PCMT1: variants seen among roughly 807,000 people sequenced by gnomAD.
The protein encoded by PCMT1 is protein-L-isoaspartate (D-aspartate) O-methyltransferase, also known as protein-L-isoaspartate(D-aspartate) O-methyltransferase.
Under a neutral mutation model 29.2 loss-of-function variants are expected in PCMT1, and 9 were observed. The ratio of observed to expected loss-of-function variants is 0.31; its 90% CI spans 0.19 to 0.54. The LOEUF (loss-of-function observed/expected upper bound fraction) is 0.54. Among genes scored for constraint, PCMT1 ranks in the 20% least tolerant of loss-of-function variants. PCMT1 has a pLI of 0.95. For synonymous variants in PCMT1, 98 were observed against 97.5 expected (o/e 1.00, Z -0.03); for missense variants, 184 against 282.2 (o/e 0.65, Z 2.49).
chr6:149,769,655 G>A (rs568262425), intron 1 of PCMT1, among the ~76,000 whole-genome samples: 3 of 151,336 alleles, frequency 2.0e-5, no homozygotes, highest in African/African-American at 7.3e-5. Flanking sequence ...CTGGAGTGCA[G>A]TGGTATGATC....
At chr6:149,802,630 T>TTG in intron 7 of PCMT1, 3 of 464,462 alleles carry the variant, frequency 6.5e-6, no homozygotes, top group Non-Finnish European at 9.5e-6. Flanking sequence ...TTTGTTTGTT[T>TTG]TTTTTTTAGA....
intron 5 of PCMT1, among the ~76,000 whole-genome samples, chr6:149,794,490 C>T (rs544662806): frequency 5.3e-5 from 8 of 152,178 alleles, no homozygotes; most frequent in East Asian, 1.9e-4. Context: ...TGGTGGCGCA[C>T]GCCTGTAGTC....
At chr6:149,779,916 A>G (rs1028478955) in intron 3 of PCMT1, among the ~76,000 whole-genome samples, 1 of 152,176 alleles carries the variant, frequency 6.6e-6, no homozygotes, top group Non-Finnish European at 1.5e-5. Flanking sequence ...ATTAAGGGAA[A>G]TACTTTGTGA....
intron 1 of PCMT1, among the ~76,000 whole-genome samples, chr6:149,752,406 C>T (rs1266604838): frequency 6.6e-6 from 1 of 152,054 alleles, no homozygotes; most frequent in Non-Finnish European, 1.5e-5. Flanking sequence ...ACTATGTTGG[C>T]CAGGCTGGTC....
At chr6:149,796,162 A>T (rs1788604431) in intron 5 of PCMT1, 1 of 310,344 alleles carries the variant, frequency 3.2e-6, no homozygotes, top group African/African-American at 2.2e-5. Flanking sequence ...AGGAAAATGA[A>T]GCGCTTTTCA....
chr6:149,786,627 C>T (rs1342671582), intron 3 of PCMT1, among the ~76,000 whole-genome samples: 31 of 143,748 alleles, frequency 2.2e-4, no homozygotes, highest in Middle Eastern at 3.9e-3. Flanking sequence ...CGCTCCTCAC[C>T]TCCCAGACGG....
intron 3 of PCMT1, among the ~76,000 whole-genome samples, chr6:149,785,546 A>AC (rs1314108734): frequency 6.6e-6 from 1 of 151,750 alleles, no homozygotes; most frequent in Non-Finnish European, 1.5e-5. Flanking sequence ...TAGGCAGAGG[A>AC]CCCTGAGGCC....
chr6:149,762,818 T>TATAC (rs1786855622), intron 1 of PCMT1, among the ~76,000 whole-genome samples: 1 of 52,558 alleles, frequency 1.9e-5, no homozygotes, highest in Non-Finnish European at 2.6e-5. Context: ...TCTATGATAA[T>TATAC]CTATGATATA....
At chr6:149,765,788 G>A (rs1787053738) in intron 1 of PCMT1, 1 of 238,564 alleles carries the variant, frequency 4.2e-6, no homozygotes, top group East Asian at 1.5e-4. Context: ...CCAACATGGT[G>A]AAACTCTGCC....
intron 3 of PCMT1, among the ~76,000 whole-genome samples, chr6:149,773,707 G>T (rs1583023586): frequency 6.6e-6 from 1 of 152,214 alleles, no homozygotes; most frequent in South Asian, 2.1e-4. Flanking sequence ...GTAGAAACTG[G>T]CATATTAAAA....
At chr6:149,800,332 G>C (rs371959931) in intron 6 of PCMT1, among the ~76,000 whole-genome samples, 1 of 152,080 alleles carries the variant, frequency 6.6e-6, no homozygotes, top group African/African-American at 2.4e-5. Flanking sequence ...AGTCGGGCTC[G>C]GTGGTGGGCA....
chr6:149,768,176 CA>C (rs1787169936), intron 1 of PCMT1, among the ~76,000 whole-genome samples: 1 of 152,006 alleles, frequency 6.6e-6, no homozygotes, highest in South Asian at 2.1e-4. Flanking sequence ...ACTGTAGCCT[CA>C]ACTTACTGAG....
intron 3 of PCMT1, among the ~76,000 whole-genome samples, chr6:149,781,549 T>C (rs1295988836): frequency 6.6e-6 from 1 of 152,072 alleles, no homozygotes; most frequent in African/African-American, 2.4e-5. Flanking sequence ...AAAGACAGGG[T>C]CTTGCTATGT....
upstream of PCMT1, chr6:149,749,696 C>G: frequency 6.8e-7 from 1 of 1,476,958 alleles, no homozygotes; most frequent in East Asian, 2.7e-5. Flanking sequence ...CTAAGCCGCG[C>G]GGCGTCACAG....
intron 1 of PCMT1, among the ~76,000 whole-genome samples, chr6:149,755,023 C>G (rs1421415227): frequency 5.9e-5 from 9 of 152,064 alleles, no homozygotes; most frequent in Non-Finnish European, 1.2e-4. Flanking sequence ...AGGAAGAAAA[C>G]AACATACAGA....
intron 7 of PCMT1, among the ~76,000 whole-genome samples, chr6:149,807,758 A>G (rs1433029521): frequency 6.6e-6 from 1 of 152,192 alleles, no homozygotes; most frequent in Admixed American, 6.6e-5. Context: ...TTATTATTCC[A>G]TAAGCTCTTT....
chr6:149,751,098 C>T (rs554460293), intron 1 of PCMT1, among the ~76,000 whole-genome samples: 12 of 152,260 alleles, frequency 7.9e-5, no homozygotes, highest in Non-Finnish European at 1.6e-4. Context: ...GGGTGGATTA[C>T]CTGAGTTCAG....
intron 4 of PCMT1, among the ~76,000 whole-genome samples, chr6:149,790,330 G>A (rs1316953631): frequency 1.3e-5 from 2 of 152,124 alleles, no homozygotes; most frequent in African/African-American, 4.8e-5. Flanking sequence ...TAGAAGAGCA[G>A]ATGTTGTTAT....
chr6:149,776,743 T>G (rs1787586818), intron 3 of PCMT1, among the ~76,000 whole-genome samples: 1 of 152,130 alleles, frequency 6.6e-6, no homozygotes, highest in Non-Finnish European at 1.5e-5. Flanking sequence ...AAATTGCAAA[T>G]TAGCACTATA....
Sources: allele counts gnomAD v4.1 joint callset (sites outside exome capture counted in the v4.1 genomes callset), GRCh38; gene constraint gnomAD v4.1.1; transcripts MANE v1.5; gene names NCBI Gene and HGNC (gene_info 2026-07-23, HGNC 2026-07-21).